Variants in GBF1 observed in about 807,000 individuals in gnomAD.
GBF1 encodes the protein Golgi-specific brefeldin A-resistance guanine nucleotide exchange factor 1.
A neutral mutation model predicts 210.5 loss-of-function variants in GBF1; 114 were observed. That is an observed-to-expected ratio of 0.54 (90% confidence interval 0.47 to 0.63). GBF1 has a LOEUF of 0.63. Among genes scored for constraint, GBF1 ranks in the 30% least tolerant of loss-of-function variants. The probability of loss-of-function intolerance (pLI) is 0.00; values close to 1 mark genes in which losing one functional copy is unlikely to be tolerated. For synonymous variants in GBF1, 850 were observed against 889.2 expected, an observed-to-expected ratio of 0.96 and a Z score of 0.78; for missense variants, 1,851 against 2,357.7, an observed-to-expected ratio of 0.79 and a Z score of 4.45.
Position 102,365,676 on chromosome 10 carries a change from T to C in GBF1, c.2309+77T>C, listed in dbSNP as rs12356636. Reference sequence around the variant, plus strand: ...CTGTAATCCTGACACTTTGGGAGGCTGAGGCAGGCAGATCACTCGAGCTCA... The same window carrying C: ...CTGTAATCCTGACACTTTGGGAGGCCGAGGCAGGCAGATCACTCGAGCTCA... On this transcript the variant is annotated intron_variant, in intron 18 of 39. Transcript: ENST00000369983. The C allele has an allele frequency of 2.1e-3, 2,680 of 1,249,056 alleles. 7 individuals are homozygous for C. The highest frequency in any genetic ancestry group is 2.9e-3 in the Non-Finnish European group (2,463 of 850,828). 77.4% of individuals were successfully genotyped at this position (1,249,056 alleles called of 1,614,324 possible).
At chr10:102,250,443 A>AT (rs888324469) in intron 1 of GBF1, among the ~76,000 whole-genome samples, 2 of 150,534 alleles carry the variant, frequency 1.3e-5, no homozygotes, top group East Asian at 1.9e-4. Flanking sequence ...TGCAGCCTTG[A>AT]TTTTTTTTGG....
At chr10:102,256,719 A>G (rs1373502361) in intron 1 of GBF1, among the ~76,000 whole-genome samples, 4 of 151,952 alleles carry the variant, frequency 2.6e-5, no homozygotes, top group Non-Finnish European at 5.9e-5. Context: ...GGGTTTCACC[A>G]TGTTGGCCAG....
At chr10:102,258,150 A>ATTTT (rs60505807) in intron 1 of GBF1, among the ~76,000 whole-genome samples, 4 of 96,932 alleles carry the variant, frequency 4.1e-5, no homozygotes, top group Non-Finnish European at 8.0e-5. Flanking sequence ...AGTATTACAG[A>ATTTT]TTTTTTTTTT....
At chr10:102,277,496 A>C (rs2075096112) in intron 3 of GBF1, among the ~76,000 whole-genome samples, 1 of 149,720 alleles carries the variant, frequency 6.7e-6, no homozygotes, top group Non-Finnish European at 1.5e-5. Flanking sequence ...TCCCTGCCTC[A>C]GCCTCCTGAG....
rs2076180864 is a variant in GBF1, at chr10:102,288,731, A to AC, written c.163+28615_163+28616insC. 1.4e-5 allele frequency among the ~76,000 whole-genome samples: 2 copies of AC among 145,926 alleles called. 1 individual carries two copies. Among genetic ancestry groups the AC allele is most frequent in the Non-Finnish European group, 3.0e-5 (2 of 65,622 alleles). On this transcript the variant is annotated intron_variant, in intron 3 of 39. Coordinates refer to ENST00000369983, the MANE Select transcript of GBF1 (RefSeq NM_001377137.1). ...AGACTCCGTCTCAAAGGAAAAAAAA[A>AC]AAAACAAAAAAAAAAAACGAAATTA...
At chr10:102,241,931 T>G (rs2133820065), upstream of GBF1, among the ~76,000 whole-genome samples, 1 of 152,332 alleles carries the variant, frequency 6.6e-6, no homozygotes, top group East Asian at 1.9e-4. This position sits in a 1 kb window ranked among gnomAD's most constrained non-coding sequence, Gnocchi z 6.7. Flanking sequence ...GTCTCAGCGC[T>G]CAGACTTCTC....
At chr10:102,284,365 C>G (rs2075764875) in intron 3 of GBF1, among the ~76,000 whole-genome samples, 1 of 152,122 alleles carries the variant, frequency 6.6e-6, no homozygotes, top group Non-Finnish European at 1.5e-5. Flanking sequence ...AATTCCAAAA[C>G]ATTTTCATCG....
At chr10:102,307,739 G>A (rs950062565) in intron 3 of GBF1, among the ~76,000 whole-genome samples, 35 of 152,078 alleles carry the variant, frequency 2.3e-4, no homozygotes, top group Non-Finnish European at 8.8e-5. Context: ...GCAACGAGCC[G>A]AGATCGCGCC....
chr10:102,279,137 A>G (rs915961086), intron 3 of GBF1, among the ~76,000 whole-genome samples: 10 of 152,232 alleles, frequency 6.6e-5, no homozygotes, highest in African/African-American at 2.2e-4. Context: ...TTCTCTTCCT[A>G]TAAGAAACAC....
At position 102,365,476 on chromosome 10, in the gene GBF1, C is replaced by T. The variant is rs751351600; in HGVS notation, c.2186C>T (p.Thr729Ile). 1 of 1,613,850 alleles carries T rather than the reference C, an allele frequency of 6.2e-7. No homozygotes were observed. The highest frequency in any genetic ancestry group is 1.3e-5 in the African/African-American group (1 of 74,926). ...TTTCTGCAAGAGAAAGGCCTCCTCA[C>T]CATCCCAATGGACAACACAGAGGTT... is the stretch of plus-strand genomic sequence containing the variant. ...IQFLQEKGLL[T>I]IPMDNTEVAQ... Residue 729 changes from threonine to isoleucine, a missense_variant, in exon 18 of 40, where the codon ACC (threonine) becomes ATC (isoleucine). Around this residue, in one of 3 missense-constraint regions of GBF1, gnomAD observed 804 missense variants for 958.6 expected, o/e 0.84. Transcript: ENST00000369983.
At chr10:102,356,766 C>CA (rs761159635) in intron 8 of GBF1, among the ~76,000 whole-genome samples, 11,174 of 84,180 alleles carry the variant, frequency 0.13, 724 homozygotes, top group African/African-American at 0.21. Flanking sequence ...GACTCTGTCT[C>CA]AAAAAAAAAA....
intron 3 of GBF1, among the ~76,000 whole-genome samples, chr10:102,269,876 T>C (rs546666407): frequency 1.7e-3 from 264 of 151,468 alleles, no homozygotes; most frequent in African/African-American, 6.2e-3. Flanking sequence ...TGGCATTCTC[T>C]CCAATTTTTT....
chr10:102,284,272 G>T (rs1218036754), intron 3 of GBF1, among the ~76,000 whole-genome samples: 1 of 152,144 alleles, frequency 6.6e-6, no homozygotes, highest in Non-Finnish European at 1.5e-5. Flanking sequence ...AAAAACTGAA[G>T]TGAAATGCAT....
At chr10:102,280,425 T>C (rs1413013383) in intron 3 of GBF1, among the ~76,000 whole-genome samples, 2 of 152,208 alleles carry the variant, frequency 1.3e-5, no homozygotes, top group Non-Finnish European at 2.9e-5. Context: ...TACATGGAAC[T>C]GAAGGTTTTA....
chr10:102,294,736 C>T (rs900927015), intron 3 of GBF1, among the ~76,000 whole-genome samples: 1 of 152,082 alleles, frequency 6.6e-6, no homozygotes, highest in Non-Finnish European at 1.5e-5. Context: ...ATATACAAAT[C>T]CTTACCATTG....
At chr10:102,263,833 G>C (rs1180922582) in intron 3 of GBF1, among the ~76,000 whole-genome samples, 4 of 152,092 alleles carry the variant, frequency 2.6e-5, no homozygotes, top group Non-Finnish European at 5.9e-5. Context: ...GAAGAAAAAG[G>C]GTGTCCAAGA....
chr10:102,328,545 G>A (rs113306695), intron 3 of GBF1, among the ~76,000 whole-genome samples: 299 of 152,248 alleles, frequency 2.0e-3, no homozygotes, highest in African/African-American at 6.9e-3. Flanking sequence ...TTTATGATAT[G>A]CTGCTGTAGT....
chr10:102,340,267 CTTTTTTTTT>C (rs1158590447), intron 3 of GBF1, among the ~76,000 whole-genome samples: 5 of 83,526 alleles, frequency 6.0e-5, no homozygotes, highest in Non-Finnish European at 1.2e-4. Flanking sequence ...TGGTCCATGC[CTTTTTTTTT>C]TTTTTTTTTT....
intron 3 of GBF1, among the ~76,000 whole-genome samples, chr10:102,301,820 A>AG (rs1327771086): frequency 6.7e-6 from 1 of 148,392 alleles, no homozygotes; most frequent in Admixed American, 6.7e-5. Context: ...ATCCCAGACG[A>AG]TGGGCGGCCA....
Sources: gnomAD v4.1 joint callset for allele counts (sites outside exome capture counted in the v4.1 genomes callset) on GRCh38, gnomAD v4.1.1 for gene constraint, gnomAD v4.1.1 regional missense constraint, Gnocchi (gnomAD v3.1) non-coding constraint, MANE v1.5 for transcripts, NCBI Gene and HGNC (gene_info 2026-07-23, HGNC 2026-07-21) for gene names.